RASL12: variants seen among roughly 807,000 people sequenced by gnomAD.
The protein encoded by RASL12 is ras-like protein family member 12.
In RASL12, 16 loss-of-function variants were observed where a neutral mutation model predicts 22.9. The ratio of observed to expected loss-of-function variants is 0.70; its 90% CI spans 0.47 to 1.06. RASL12 has a LOEUF of 1.06. Among genes scored for constraint, RASL12 ranks in the 50% least tolerant of loss-of-function variants. The pLI is 0.00. For missense variants in RASL12, 306 were observed against 353.1 expected (o/e 0.87, Z 1.07); for synonymous variants, 159 against 152.2 (o/e 1.04, Z -0.33).
At chr15:65,048,096 G>T in the RASL12 span, among the ~76,000 whole-genome samples, 1 of 151,822 alleles carries the variant, frequency 6.6e-6, no homozygotes, top group African/African-American at 2.4e-5. Context: ...AACGAGAACC[G>T]CTTGGACCCA....
chr15:65,074,399 A>ATT (rs35069687), intron 1 of RASL12, among the ~76,000 whole-genome samples: 84 of 148,916 alleles, frequency 5.6e-4, no homozygotes, highest in South Asian at 1.3e-3. Flanking sequence ...TTTTTAATTA[A>ATT]TTTTTTTTTT....
chr15:65,059,370 A>T lies in RASL12; in HGVS notation c.209T>A (p.Leu70Gln). ...EETVDHQPVH[L>Q]RVMDTADLDT... ...CAGGTCTGCAGTGTCCATGACCCTCAGGTGGACAGGCTGGTGGTCCACAGT... is the reference window on the plus strand; with the variant it reads ...CAGGTCTGCAGTGTCCATGACCCTCTGGTGGACAGGCTGGTGGTCCACAGT... The change falls in exon 3 of 5, where the codon CTG (leucine) becomes CAG (glutamine). Residue 70 changes from leucine (L) to glutamine (Q), a missense_variant. Coordinates refer to ENST00000220062, the MANE Select transcript of RASL12 (RefSeq NM_016563.4). 1 of 1,614,052 alleles carries T rather than the reference A, an allele frequency of 6.2e-7. No individual in the cohort carries two copies. Among genetic ancestry groups the T allele is most frequent in the Non-Finnish European group, 8.5e-7 (1 of 1,179,954 alleles).
intron 2 of RASL12, among the ~76,000 whole-genome samples, chr15:65,061,069 G>A (rs1188848867): frequency 6.6e-6 from 1 of 152,224 alleles, no homozygotes; most frequent in Non-Finnish European, 1.5e-5. Context: ...CCTTTTAGGA[G>A]TTCCCCTCAA....
chr15:65,056,887 G>C (rs559749084), intron 4 of RASL12, among the ~76,000 whole-genome samples: 1 of 152,316 alleles, frequency 6.6e-6, no homozygotes, highest in African/African-American at 2.4e-5. Context: ...GAGCATGTAT[G>C]CTTTGTTATT....
downstream of RASL12, among the ~76,000 whole-genome samples, chr15:65,050,993 G>A (rs1355987045): frequency 1.3e-5 from 2 of 151,664 alleles, no homozygotes; most frequent in African/African-American, 4.8e-5. Context: ...TACAGTGTAT[G>A]CCACCACACC....
chr15:65,059,922 A>G (rs943568017), intron 2 of RASL12, among the ~76,000 whole-genome samples: 5 of 152,240 alleles, frequency 3.3e-5, no homozygotes, highest in African/African-American at 1.2e-4. Context: ...AGGTTTTACA[A>G]ATAATCCTTG....
the RASL12 span, among the ~76,000 whole-genome samples, chr15:65,047,807 A>AGATG: frequency 1.3e-5 from 2 of 148,242 alleles, no homozygotes; most frequent in African/African-American, 5.0e-5. Context: ...ATAGATAGAT[A>AGATG]GATAGATAGA....
At chr15:65,068,131 G>A, upstream of RASL12, 1 of 1,021,942 alleles carries the variant, frequency 9.8e-7, no homozygotes. This position sits in a 1 kb window ranked among gnomAD's most constrained non-coding sequence, Gnocchi z 4.2. Context: ...AGCTCCTGCC[G>A]GCCGCGCCCC....
intron 4 of RASL12, 61 bp downstream of exon 4, chr15:65,058,366 C>T (rs897565841): frequency 9.3e-5 from 127 of 1,367,852 alleles, no homozygotes; most frequent in Admixed American, 2.4e-4. Context: ...CAAGATGCCA[C>T]CTGACCTTAC....
Position 65,067,868 on chromosome 15 carries a change from G to A in RASL12, c.-33C>T. The A allele has an allele frequency of 2.1e-6, 3 of 1,448,362 alleles. No homozygotes were observed. Among genetic ancestry groups the A allele is most frequent in the Non-Finnish European group, 2.7e-6 (3 of 1,106,430 alleles). The allele number at this position is 1,448,362 out of a possible 1,614,324, so 89.7% of individuals were successfully genotyped here. On this transcript the variant is annotated 5_prime_UTR_variant, in exon 1 of 5. Transcript: ENST00000220062. Reference sequence around the variant, plus strand: ...CCCTGGACGGCCACGCAGGTCTGCGGCCGGTGGGCCCCGCGCAGTGCGCCC... The same window carrying A: ...CCCTGGACGGCCACGCAGGTCTGCGACCGGTGGGCCCCGCGCAGTGCGCCC...
chr15:65,071,627 G>GA (rs1023031445), upstream of RASL12, among the ~76,000 whole-genome samples: 6 of 152,100 alleles, frequency 3.9e-5, no homozygotes, highest in Admixed American at 1.3e-4. Context: ...GCTGGACTTG[G>GA]AAAAAATCAA....
chr15:65,062,077 A>T (rs1019042360), intron 2 of RASL12, among the ~76,000 whole-genome samples: 4 of 151,826 alleles, frequency 2.6e-5, no homozygotes, highest in Non-Finnish European at 4.4e-5. Flanking sequence ...AAAAAAAAAA[A>T]AAAGAAATGG....
At chr15:65,059,042 G>T (rs962941855) in intron 3 of RASL12, among the ~76,000 whole-genome samples, 5 of 152,222 alleles carry the variant, frequency 3.3e-5, no homozygotes, top group Non-Finnish European at 5.9e-5. Flanking sequence ...CTCTCACCAG[G>T]AGCATCTGTG....
intron 3 of RASL12, 61 bp from the exon 4 acceptor site, chr15:65,058,678 C>T (rs574572953): frequency 7.7e-7 from 1 of 1,293,648 alleles, no homozygotes; most frequent in African/African-American, 1.5e-5. Context: ...AGGCCTTCAC[C>T]TGAGCCGCCC....
Position 65,053,521 on chromosome 15 carries a change from G to T in RASL12, c.*1378C>A. 1 of 1,054,860 alleles carries T rather than the reference G, an allele frequency of 9.5e-7. No individual in the cohort carries two copies. Among genetic ancestry groups the T allele is most frequent in the South Asian group, 3.3e-5 (1 of 30,572 alleles). 65.3% of individuals were successfully genotyped at this position (1,054,860 alleles called of 1,614,324 possible). On this transcript the variant is annotated 3_prime_UTR_variant, in exon 5 of 5. Coordinates refer to ENST00000220062, the MANE Select transcript of RASL12 (RefSeq NM_016563.4). The stretch of plus-strand genomic sequence containing the variant: ...TGTAGGACTGCAAGCATGTGGTCTT[G>T]AGTAGTTCACAGCCCCCCTCTGACC...
At chr15:65,063,431 C>T (rs531006683) in intron 2 of RASL12, among the ~76,000 whole-genome samples, 2 of 152,194 alleles carry the variant, frequency 1.3e-5, no homozygotes, top group African/African-American at 2.4e-5. Flanking sequence ...AACACCTCGC[C>T]GGCCAGTGCA....
chr15:65,059,477 C>T (rs1287066367), intron 2 of RASL12, 59 bp from the exon 3 acceptor site: 10 of 1,368,646 alleles, frequency 7.3e-6, no homozygotes, highest in Non-Finnish European at 1.0e-5. Flanking sequence ...GTTTGAGCTT[C>T]CCTCTGTGCT....
In RASL12 at chr15:65,076,628, G is replaced by T. The variant is rs1043428597; in HGVS notation, c.-30C>A. On this transcript the variant is annotated 5_prime_UTR_variant, in exon 1 of 5. Transcript: ENST00000434605. ...TCTAAGGATATGAGTGATCACACAG[G>T]TCTCCAGATGCCCTCCGGGCCTGCA... 24 of 700,220 alleles carry T rather than the reference G, an allele frequency of 3.4e-5. No homozygotes were observed. In the African/African-American group the frequency reaches 3.5e-4, roughly 10 times the overall value. 43.4% of individuals were successfully genotyped at this position (700,220 alleles called of 1,614,324 possible). A position where few individuals can be genotyped will look rare whatever the true frequency, so the allele number is the denominator to read the frequency against.
chr15:65,056,148 C>A (rs978480911), intron 4 of RASL12, among the ~76,000 whole-genome samples: 3 of 152,118 alleles, frequency 2.0e-5, no homozygotes, highest in African/African-American at 7.2e-5. Flanking sequence ...TCCCTGAGAT[C>A]TTGGGGCCAA....
Sources: gnomAD v4.1 joint callset for allele counts (sites outside exome capture counted in the v4.1 genomes callset) on GRCh38, gnomAD v4.1.1 for gene constraint, Gnocchi (gnomAD v3.1) non-coding constraint, MANE v1.5 for transcripts, NCBI Gene and HGNC (gene_info 2026-07-23, HGNC 2026-07-21) for gene names.